Variants in SHISA6 observed in about 807,000 individuals in gnomAD.
SHISA6 encodes the protein protein shisa-6.
SHISA6 carries 22 observed loss-of-function variants against 47.9 expected under a neutral mutation model. The observed-to-expected ratio is 0.46, with a 90% CI of 0.33 to 0.66. The LOEUF (loss-of-function observed/expected upper bound fraction) is 0.66. Among genes scored for constraint, SHISA6 ranks in the 30% least tolerant of loss-of-function variants. The pLI is 0.02. For synonymous variants in SHISA6, 388 were observed against 337.8 expected, an observed-to-expected ratio of 1.15 and a Z score of -1.63; for missense variants, 680 against 764.6, an observed-to-expected ratio of 0.89 and a Z score of 1.30.
At chr17:11,443,322 G>A (rs1214185517) in intron 3 of SHISA6, among the ~76,000 whole-genome samples, 1 of 152,206 alleles carries the variant, frequency 6.6e-6, no homozygotes, top group African/African-American at 2.4e-5. Flanking sequence ...ATAACGAAGT[G>A]TGTCTCTGTC....
intron 2 of SHISA6, among the ~76,000 whole-genome samples, chr17:11,377,050 C>G (rs1912826327): frequency 6.6e-6 from 1 of 152,202 alleles, no homozygotes; most frequent in Non-Finnish European, 1.5e-5. Flanking sequence ...AACATAAAAG[C>G]TTCATAGACA....
intron 2 of SHISA6, among the ~76,000 whole-genome samples, chr17:11,305,038 C>G (rs1910060715): frequency 6.6e-6 from 1 of 152,338 alleles, no homozygotes; most frequent in Middle Eastern, 3.4e-3. Context: ...GTCACATTGA[C>G]CTGTGGTGTT....
intron 2 of SHISA6, among the ~76,000 whole-genome samples, chr17:11,300,149 C>CAAAAAAAAAAAAA (rs56060137): frequency 3.1e-5 from 4 of 129,136 alleles, no homozygotes; most frequent in South Asian, 2.5e-4. Context: ...CATCTTAAAA[C>CAAAAAAAAAAAAA]AAAAAAAAAA....
intron 2 of SHISA6, among the ~76,000 whole-genome samples, chr17:11,282,794 C>T (rs138977100): frequency 6.6e-6 from 1 of 152,276 alleles, no homozygotes; most frequent in East Asian, 1.9e-4. Context: ...CAGCCCCAAC[C>T]CAGAGGGGCA....
chr17:11,408,052 C>G (rs993153608), intron 3 of SHISA6, among the ~76,000 whole-genome samples: 5 of 152,178 alleles, frequency 3.3e-5, no homozygotes, highest in Non-Finnish European at 5.9e-5. Flanking sequence ...AACACACTGC[C>G]TCTTCCCATC....
At chr17:11,316,936 TTAG>T (rs1910544568) in intron 2 of SHISA6, among the ~76,000 whole-genome samples, 1 of 152,192 alleles carries the variant, frequency 6.6e-6, no homozygotes, top group Admixed American at 6.5e-5. Context: ...TATGTTTACA[TTAG>T]AAAATATTCC....
chr17:11,513,415 T>C (rs1327622391), intron 3 of SHISA6, among the ~76,000 whole-genome samples: 1 of 152,220 alleles, frequency 6.6e-6, no homozygotes, highest in Non-Finnish European at 1.5e-5. Flanking sequence ...TAAATATTTA[T>C]CACCTAAGTG....
intron 2 of SHISA6, among the ~76,000 whole-genome samples, chr17:11,333,449 G>C (rs1383954440): frequency 6.6e-6 from 1 of 152,124 alleles, no homozygotes. Flanking sequence ...TGGAGCTTGA[G>C]TTAATAATCC....
At chr17:11,449,612 G>A (rs1020272783) in intron 3 of SHISA6, among the ~76,000 whole-genome samples, 2 of 152,110 alleles carry the variant, frequency 1.3e-5, no homozygotes, top group African/African-American at 4.8e-5. Flanking sequence ...ATCAACCAAG[G>A]AAGGAAAGAA....
At chr17:11,413,885 T>C (rs1250260464) in intron 3 of SHISA6, among the ~76,000 whole-genome samples, 2 of 152,060 alleles carry the variant, frequency 1.3e-5, no homozygotes. Flanking sequence ...CGCTGCGCAG[T>C]CACAGTGAAA....
chr17:11,553,317 A>C (rs1182403966), intron 4 of SHISA6, among the ~76,000 whole-genome samples: 1 of 152,192 alleles, frequency 6.6e-6, no homozygotes, highest in African/African-American at 2.4e-5. Context: ...GCCCACAGTG[A>C]TGAAGCAGCC....
At chr17:11,311,298 A>AAAAC (rs1555527561) in intron 2 of SHISA6, among the ~76,000 whole-genome samples, 2,891 of 133,158 alleles carry the variant, frequency 0.022, 214 homozygotes, top group African/African-American at 0.068. Context: ...AAAAAAAAAA[A>AAAAC]AACCGACAAA....
At chr17:11,309,936 G>A (rs1038683826) in intron 2 of SHISA6, among the ~76,000 whole-genome samples, 2 of 152,238 alleles carry the variant, frequency 1.3e-5, no homozygotes, top group Non-Finnish European at 2.9e-5. Flanking sequence ...CATGGCCAAA[G>A]CTGAACTGCA....
chr17:11,475,447 G>T (rs569011665), intron 3 of SHISA6, among the ~76,000 whole-genome samples: 1 of 152,166 alleles, frequency 6.6e-6, no homozygotes, highest in South Asian at 2.1e-4. Context: ...AGTTAAGGAA[G>T]TTCCCTTCTA....
chr17:11,435,655 A>AG (rs996931831), intron 3 of SHISA6, among the ~76,000 whole-genome samples: 1 of 152,136 alleles, frequency 6.6e-6, no homozygotes, highest in African/African-American at 2.4e-5. Flanking sequence ...GTTCATCTGA[A>AG]GGGGGTATCA....
intron 3 of SHISA6, among the ~76,000 whole-genome samples, chr17:11,500,213 A>G (rs17774002): frequency 0.058 from 8,832 of 152,238 alleles, 321 homozygotes; most frequent in Middle Eastern, 0.095. Flanking sequence ...CTCCTCACAG[A>G]TTGCATTCTG....
intron 1 of SHISA6, among the ~76,000 whole-genome samples, chr17:11,257,216 C>T (rs1908044005): frequency 6.6e-6 from 1 of 152,106 alleles, no homozygotes; most frequent in Non-Finnish European, 1.5e-5. Context: ...TAAATTAAGC[C>T]GTTCTCCTTG....
chr17:11,279,036 C>T (rs1006463242), intron 2 of SHISA6, among the ~76,000 whole-genome samples: 1 of 152,248 alleles, frequency 6.6e-6, no homozygotes, highest in Admixed American at 6.5e-5. Flanking sequence ...GCTAAAACAG[C>T]AAAGTCTTGT....
chr17:11,269,710 G>T (rs538886178), intron 2 of SHISA6, among the ~76,000 whole-genome samples: 3 of 152,276 alleles, frequency 2.0e-5, no homozygotes, highest in African/African-American at 7.2e-5. Flanking sequence ...AGGAGTCTGA[G>T]ATGATAGCCT....
Sources: gnomAD v4.1 joint callset for allele counts (sites outside exome capture counted in the v4.1 genomes callset) on GRCh38, gnomAD v4.1.1 for gene constraint, MANE v1.5 for transcripts, NCBI Gene and HGNC (gene_info 2026-07-23, HGNC 2026-07-21) for gene names.